Variants in FANCI observed in about 807,000 individuals in gnomAD.
The protein encoded by FANCI is FA complementation group I, also known as Fanconi anemia group I protein.
In FANCI, 156 loss-of-function variants were observed where a neutral mutation model predicts 176.1. That is an observed-to-expected ratio of 0.89 (90% confidence interval 0.78 to 1.01). The LOEUF is 1.01. FANCI is among the 50% of genes least tolerant of loss of function. The pLI, the probability that FANCI is intolerant of heterozygous loss-of-function variation, is 0.00. For synonymous variants in FANCI, 613 were observed against 541.7 expected, an observed-to-expected ratio of 1.13 and a Z score of -1.83; for missense variants, 1,678 against 1,534.1, an observed-to-expected ratio of 1.09 and a Z score of -1.57.
chr15:89,288,373 A>C (rs2053909619), intron 18 of FANCI, among the ~76,000 whole-genome samples: 1 of 152,134 alleles, frequency 6.6e-6, no homozygotes, highest in African/African-American at 2.4e-5. Flanking sequence ...CTCTAAAGTA[A>C]AAAAAATTAA....
chr15:89,293,752 A>T (rs1001398270), intron 22 of FANCI, 81 bp from the exon 23 acceptor site: 2 of 1,272,876 alleles, frequency 1.6e-6, no homozygotes, highest in African/African-American at 1.5e-5. Flanking sequence ...TTAAAGAAGC[A>T]TTGTGATTAT....
At chr15:89,290,473 C>T (rs576355079) in intron 19 of FANCI, 192 bp downstream of exon 19, 212 of 595,350 alleles carry the variant, frequency 3.6e-4, no homozygotes, top group African/African-American at 3.5e-3. Flanking sequence ...TGCCATAATA[C>T]CATCATCTAG....
intron 24 of FANCI, among the ~76,000 whole-genome samples, chr15:89,297,256 G>A (rs1215613420): frequency 2.0e-5 from 3 of 151,592 alleles, no homozygotes; most frequent in African/African-American, 7.3e-5. Flanking sequence ...AGGCAGAGAC[G>A]CTCCTCACTT....
intron 2 of FANCI, among the ~76,000 whole-genome samples, chr15:89,252,961 A>G (rs55767104): frequency 0.035 from 5,342 of 152,306 alleles, 301 homozygotes; most frequent in African/African-American, 0.12. Flanking sequence ...TGCAAAATTC[A>G]TATAGCAAAT....
intron 16 of FANCI, chr15:89,282,467 G>T (rs897855106): frequency 1.2e-5 from 2 of 162,410 alleles, no homozygotes; most frequent in African/African-American, 4.8e-5. Flanking sequence ...AAAAATATAA[G>T]ACAGTAATAT....
intron 19 of FANCI, among the ~76,000 whole-genome samples, chr15:89,291,354 A>G (rs1015620011): frequency 1.3e-5 from 2 of 152,176 alleles, no homozygotes; most frequent in African/African-American, 4.8e-5. Context: ...AAGTTAACTG[A>G]AAATGTTGAT....
In FANCI at chr15:89,260,810, A is replaced by C; in HGVS notation, c.255A>C (p.Ile85=). 1 of 1,614,018 alleles carries C rather than the reference A, an allele frequency of 6.2e-7. No individual in the cohort carries two copies. The highest frequency in any genetic ancestry group is 1.3e-5 in the African/African-American group (1 of 75,038). The stretch of plus-strand genomic sequence containing the variant: ...AATCGGGGGATTTGCAGAAAGAAAT[A>C]GCGTCTGAGATCATAGGATTACTGA... ...LVESGDLQKE[I]ASEIIGLLML... The change falls in exon 4 of 38, where the codon ATA becomes ATC. Residue 85 remains isoleucine, a synonymous_variant. Transcript: ENST00000310775.
At chr15:89,265,927 A>G (rs1487857738) in intron 9 of FANCI, among the ~76,000 whole-genome samples, 1 of 151,836 alleles carries the variant, frequency 6.6e-6, no homozygotes, top group Non-Finnish European at 1.5e-5. Flanking sequence ...TACTTTATGG[A>G]TATGGAAATC....
At chr15:89,313,331 TTG>T (rs1424303309) in intron 35 of FANCI, among the ~76,000 whole-genome samples, 1 of 152,086 alleles carries the variant, frequency 6.6e-6, no homozygotes, top group African/African-American at 2.4e-5. Flanking sequence ...TTAGAAAAAA[TTG>T]TGTGTATTAT....
intron 37 of FANCI, among the ~76,000 whole-genome samples, chr15:89,316,030 G>A (rs2055233516): frequency 6.6e-6 from 1 of 152,182 alleles, no homozygotes; most frequent in African/African-American, 2.4e-5. Flanking sequence ...GCATTCTTCA[G>A]ATGATCACAC....
intron 23 of FANCI, 32 bp downstream of exon 23, chr15:89,294,029 C>T (rs771497378): frequency 1.9e-6 from 3 of 1,612,888 alleles, no homozygotes; most frequent in East Asian, 4.5e-5. Context: ...TAAAGACAGC[C>T]ACTCCCTGAG....
chr15:89,245,167 C>CTTTTTTTTTTTTT (rs1567132810), intron 1 of FANCI: 4 of 121,276 alleles, frequency 3.3e-5, no homozygotes, highest in African/African-American at 1.1e-4. Flanking sequence ...CTTTTCTTTT[C>CTTTTTTTTTTTTT]TTTTCTTTTC....
intron 16 of FANCI, 92 bp downstream of exon 16, chr15:89,281,927 C>A: frequency 8.5e-7 from 1 of 1,170,316 alleles, no homozygotes; most frequent in Non-Finnish European, 1.3e-6. Context: ...CACCTGTTCA[C>A]AGTGATCATG....
At chr15:89,293,636 C>T (rs2054147610) in intron 22 of FANCI, among the ~76,000 whole-genome samples, 197 bp from the exon 23 acceptor site, 7 of 152,130 alleles carry the variant, frequency 4.6e-5, no homozygotes, top group Admixed American at 4.6e-4. Flanking sequence ...TGCAGTGAGC[C>T]AAGGTCACAC....
chr15:89,261,404 T>G (rs940469285), intron 4 of FANCI, among the ~76,000 whole-genome samples, 181 bp from the exon 5 acceptor site: 1 of 152,256 alleles, frequency 6.6e-6, no homozygotes, highest in Non-Finnish European at 1.5e-5. Context: ...TTCTAACTTT[T>G]GAAGCCCTTC....
In FANCI at chr15:89,280,309, C is replaced by T. The variant is rs930575319; in HGVS notation, c.1382-861C>T. Among the ~76,000 whole-genome samples the T allele has an allele frequency of 3.3e-5, 5 of 152,254 alleles. No individual in the cohort carries two copies. In the East Asian group the frequency reaches 9.7e-4, roughly 29 times the overall value. ...TGCTGGGATTACAGGCGTGAGCCACCACACCTGGCCAAATTGTCAGCTCTT... is the reference window on the plus strand; with the variant it reads ...TGCTGGGATTACAGGCGTGAGCCACTACACCTGGCCAAATTGTCAGCTCTT... On this transcript the variant is annotated intron_variant, in intron 14 of 37. Coordinates refer to ENST00000310775, the MANE Select transcript of FANCI (RefSeq NM_001113378.2).
chr15:89,312,011 T>C (rs1030404457), intron 34 of FANCI, among the ~76,000 whole-genome samples: 1 of 152,224 alleles, frequency 6.6e-6, no homozygotes, highest in Non-Finnish European at 1.5e-5. Context: ...AGGAGCTCTT[T>C]ATTACCCAAT....
chr15:89,300,162 G>A, intron 25 of FANCI, 138 bp from the exon 26 acceptor site: 1 of 1,045,560 alleles, frequency 9.6e-7, no homozygotes. Context: ...ATGGAATATA[G>A]TATTAAGAAA....
intron 18 of FANCI, among the ~76,000 whole-genome samples, chr15:89,286,981 T>TTTTTTTTTTC (rs1265856177): frequency 3.1e-5 from 4 of 130,140 alleles, no homozygotes; most frequent in Non-Finnish European, 6.2e-5. Context: ...CTTGCACTTT[T>TTTTTTTTTTC]TTTTTTTTTT....
Sources: allele counts gnomAD v4.1 joint callset (sites outside exome capture counted in the v4.1 genomes callset), GRCh38; gene constraint gnomAD v4.1.1; transcripts MANE v1.5; gene names NCBI Gene and HGNC (gene_info 2026-07-23, HGNC 2026-07-21).